The following PAPSS1 variants were observed in gnomAD, a reference collection of about 807,000 sequenced individuals.
PAPSS1 encodes the protein bifunctional 3'-phosphoadenosine 5'-phosphosulfate synthase 1.
Under a neutral mutation model 72.0 loss-of-function variants are expected in PAPSS1, and 50 were observed. The observed-to-expected ratio is 0.69, with a 90% confidence interval of 0.55 to 0.88. The LOEUF (loss-of-function observed/expected upper bound fraction) is 0.88, where lower values mean the gene tolerates loss of function less well. PAPSS1 is among the 40% of genes least tolerant of loss of function. The probability of loss-of-function intolerance (pLI) is 0.00; values close to 1 mark genes in which losing one functional copy is unlikely to be tolerated. For synonymous variants in PAPSS1, 261 were observed against 263.6 expected, an observed-to-expected ratio of 0.99 and a Z score of 0.09; for missense variants, 657 against 782.2, an observed-to-expected ratio of 0.84 and a Z score of 1.91.
chr4:107,671,363 T>C (rs1025471092), intron 5 of PAPSS1, among the ~76,000 whole-genome samples: 2 of 150,190 alleles, frequency 1.3e-5, no homozygotes, highest in Non-Finnish European at 3.0e-5. Flanking sequence ...CTATTCTAAA[T>C]AGGGCCCCAA....
intron 5 of PAPSS1, among the ~76,000 whole-genome samples, chr4:107,672,864 T>A (rs1359503183): frequency 6.6e-6 from 1 of 152,120 alleles, no homozygotes; most frequent in Non-Finnish European, 1.5e-5. Context: ...GAGAAAAAAC[T>A]TCCAGAGGAA....
chr4:107,696,488 C>T (rs1386469065), intron 2 of PAPSS1, among the ~76,000 whole-genome samples: 1 of 152,132 alleles, frequency 6.6e-6, no homozygotes, highest in Non-Finnish European at 1.5e-5. Flanking sequence ...ACACCAAACA[C>T]TGCATGTTCT....
intron 9 of PAPSS1, among the ~76,000 whole-genome samples, chr4:107,647,560 T>C (rs1408694093): frequency 2.0e-5 from 3 of 152,210 alleles, no homozygotes; most frequent in African/African-American, 7.2e-5. Flanking sequence ...ATGCTTTTTT[T>C]TAAAGTAAAA....
At chr4:107,632,229 TC>T (rs1230472456) in intron 10 of PAPSS1, among the ~76,000 whole-genome samples, 14 of 152,220 alleles carry the variant, frequency 9.2e-5, no homozygotes, top group Non-Finnish European at 1.8e-4. Context: ...TAATGGCTGA[TC>T]CCTGGAGGGA....
chr4:107,614,288 G>A lies in PAPSS1; in HGVS notation c.1836C>T (p.Thr612=), dbSNP rs767269103. 13 of 1,613,796 alleles carry A rather than the reference G, an allele frequency of 8.1e-6. No homozygotes were observed. The highest frequency in any genetic ancestry group is 1.7e-5 in the Admixed American group (1 of 59,988). The change falls in exon 12 of 12, where the codon ACC becomes ACT. Residue 612 remains threonine, a synonymous_variant. Transcript: ENST00000265174. ...PEGFMAPKAW[T]VLTEYYKSLE... is the part of the protein sequence containing the mutation. ...AGGATTTGTAGTATTCTGTCAGCAC[G>A]GTCCAAGCCTTGGGAGCCATGAAAC...
intron 1 of PAPSS1, among the ~76,000 whole-genome samples, chr4:107,704,409 T>A (rs1723283167): frequency 6.6e-6 from 1 of 152,226 alleles, no homozygotes; most frequent in South Asian, 2.1e-4. Flanking sequence ...TGGGCACCCT[T>A]GTTGTGCTCC....
At chr4:107,646,701 C>A (rs1231992201) in intron 9 of PAPSS1, among the ~76,000 whole-genome samples, 1 of 152,134 alleles carries the variant, frequency 6.6e-6, no homozygotes. Context: ...CCCCGTCAAG[C>A]CCCTCCCAAC....
intron 4 of PAPSS1, among the ~76,000 whole-genome samples, chr4:107,683,596 C>T (rs1211214375): frequency 2.6e-5 from 4 of 152,050 alleles, no homozygotes; most frequent in African/African-American, 9.7e-5. Context: ...CTGGAGTTCT[C>T]CTACTAGATA....
intron 1 of PAPSS1, among the ~76,000 whole-genome samples, chr4:107,704,895 G>T (rs777195003): frequency 6.6e-6 from 1 of 151,400 alleles, no homozygotes; most frequent in Admixed American, 6.6e-5. Flanking sequence ...AGGTTGCAGT[G>T]AGCCAAGATC....
intron 5 of PAPSS1, among the ~76,000 whole-genome samples, chr4:107,675,468 T>C (rs1489640471): frequency 1.3e-5 from 2 of 152,092 alleles, no homozygotes; most frequent in Admixed American, 6.5e-5. Flanking sequence ...ACATACACCC[T>C]CCCAAGACTA....
At chr4:107,712,480 C>G (rs1271602960) in intron 1 of PAPSS1, among the ~76,000 whole-genome samples, 1 of 152,178 alleles carries the variant, frequency 6.6e-6, no homozygotes, top group Non-Finnish European at 1.5e-5. Context: ...ACTATTAAAA[C>G]CACATAAGAC....
At chr4:107,719,538 A>G (rs1026877294) in intron 1 of PAPSS1, among the ~76,000 whole-genome samples, 2 of 152,204 alleles carry the variant, frequency 1.3e-5, no homozygotes, top group African/African-American at 4.8e-5. Context: ...TAACACAGAG[A>G]CACAAAGAAC....
At chr4:107,682,477 C>T (rs1386788065) in intron 4 of PAPSS1, among the ~76,000 whole-genome samples, 2 of 152,124 alleles carry the variant, frequency 1.3e-5, no homozygotes, top group African/African-American at 2.4e-5. Flanking sequence ...TCAGGTGTGT[C>T]GGACGTGTTG....
chr4:107,662,873 G>A (rs998719206), intron 5 of PAPSS1, among the ~76,000 whole-genome samples: 2 of 152,072 alleles, frequency 1.3e-5, no homozygotes, highest in African/African-American at 4.8e-5. Flanking sequence ...ACTTCATCAA[G>A]TAGAAAATAA....
intron 1 of PAPSS1, chr4:107,719,916 A>G (rs1344119327): frequency 7.3e-7 from 1 of 1,364,692 alleles, no homozygotes; most frequent in African/African-American, 1.5e-5. Flanking sequence ...GCGCCAAGCT[A>G]GGGCGAGATC....
At chr4:107,719,814 C>A (rs1384884236) in intron 1 of PAPSS1, 2 of 1,242,346 alleles carry the variant, frequency 1.6e-6, no homozygotes, top group East Asian at 4.3e-5. Context: ...CGCCAGTTCA[C>A]GGGTGAAGGA....
At chr4:107,664,646 C>T (rs1727268305) in intron 5 of PAPSS1, among the ~76,000 whole-genome samples, 1 of 152,016 alleles carries the variant, frequency 6.6e-6, no homozygotes, top group South Asian at 2.1e-4. Flanking sequence ...TTCCTTCCAA[C>T]CATATCCCCA....
chr4:107,695,399 A>G (rs1232214710), intron 2 of PAPSS1, among the ~76,000 whole-genome samples: 1 of 152,144 alleles, frequency 6.6e-6, no homozygotes, highest in African/African-American at 2.4e-5. Flanking sequence ...GGCTGAGACT[A>G]TGGGGCTTTC....
At chr4:107,675,488 G>A (rs1270314486) in intron 5 of PAPSS1, among the ~76,000 whole-genome samples, 1 of 152,176 alleles carries the variant, frequency 6.6e-6, no homozygotes, top group African/African-American at 2.4e-5. Flanking sequence ...AAACCAGGAA[G>A]AAGTTGAATC....
Sources: gnomAD v4.1 joint callset for allele counts (sites outside exome capture counted in the v4.1 genomes callset) on GRCh38, gnomAD v4.1.1 for gene constraint, MANE v1.5 for transcripts, NCBI Gene and HGNC (gene_info 2026-07-23, HGNC 2026-07-21) for gene names.